The following A4GNT variants were observed in gnomAD, a reference collection of about 807,000 sequenced individuals.
A4GNT encodes alpha-1,4-N-acetylglucosaminyltransferase.
A neutral mutation model predicts 8.3 loss-of-function variants in A4GNT; 6 were observed. The observed-to-expected ratio is 0.72, with a 90% confidence interval of 0.39 to 1.42. The LOEUF (loss-of-function observed/expected upper bound fraction) is 1.42. Ranked by LOEUF, A4GNT falls within the 40% of genes most tolerant of loss-of-function variation. A4GNT has a pLI of 0.02. For missense variants in A4GNT, 377 were observed against 417.0 expected (o/e 0.90, Z 0.84); for synonymous variants, 157 against 159.8 (o/e 0.98, Z 0.13).
chr3:138,127,137 A>AAAAC (rs1559874805), intron 2 of A4GNT, among the ~76,000 whole-genome samples: 4 of 151,278 alleles, frequency 2.6e-5, no homozygotes, highest in African/African-American at 9.8e-5. Flanking sequence ...AAAAAAAAAA[A>AAAAC]AAACAATAAT....
intron 2 of A4GNT, among the ~76,000 whole-genome samples, chr3:138,125,193 T>A (rs943338756): frequency 3.0e-4 from 45 of 152,346 alleles, no homozygotes; most frequent in African/African-American, 1.1e-3. Flanking sequence ...GATTTCACTA[T>A]GCACTGTATG....
rs755655007 is a variant in A4GNT at position 138,131,253 on chromosome 3, G to T, written c.4C>A (p.Arg2=). 1.9e-6 allele frequency: 3 copies of T among 1,581,188 alleles called. No individual in the cohort carries two copies. Residue 2 remains arginine, a synonymous_variant, in exon 2 of 3, where the codon CGG becomes AGG. Transcript: ENST00000236709. The part of the protein sequence containing the change: M[R]KELQLSLSVT... ...GACAGGGAGAGCTGGAGCTCCTTCC[G>T]CATGTCCTCTTCTCTGTGCCAGCCT...
intron 2 of A4GNT, among the ~76,000 whole-genome samples, chr3:138,130,567 A>G (rs948389107): frequency 5.3e-5 from 8 of 152,220 alleles, no homozygotes; most frequent in African/African-American, 1.9e-4. Context: ...TAAGTGTCCT[A>G]TACACCTAGA....
rs146152770 is a variant in A4GNT, at chr3:138,124,837, C to A, written c.450G>T (p.Ser150=). The change falls in exon 3 of 3, where the codon TCG becomes TCT. Residue 150 remains serine (S), a synonymous_variant. Transcript: ENST00000236709. ...SAERNWLHIS[S]DASRLAIIWK... is the part of the protein sequence containing the mutation. Reference sequence around the variant, plus strand: ...AGATGATGGCCAGGCGGGATGCATCCGAGCTGATGTGGAGCCAGTTTCTCT... The same window carrying A: ...AGATGATGGCCAGGCGGGATGCATCAGAGCTGATGTGGAGCCAGTTTCTCT... The A allele has an allele frequency of 3.1e-6, 5 of 1,613,372 alleles. No individual in the cohort carries two copies. The South Asian group carries it at 5.5e-5, about 18-fold the overall frequency.
intron 2 of A4GNT, among the ~76,000 whole-genome samples, chr3:138,125,162 A>G (rs2042738146): frequency 6.6e-6 from 1 of 152,230 alleles, no homozygotes. Flanking sequence ...CATTGGAAAG[A>G]TAAAGAAGAA....
intron 1 of A4GNT, 25 bp downstream of exon 1, chr3:138,132,187 C>T (rs1426188100): frequency 6.6e-6 from 1 of 152,198 alleles, no homozygotes; most frequent in Non-Finnish European, 1.5e-5. Flanking sequence ...CACCTGCCAC[C>T]AAAGTCCAGG....
At chr3:138,131,427 T>A in intron 1 of A4GNT, 145 bp from the exon 2 acceptor site, 1 of 682,214 alleles carries the variant, frequency 1.5e-6, no homozygotes. Flanking sequence ...CCAGCAATAT[T>A]AAAAAAAAAA....
In A4GNT at chr3:138,124,881, G is replaced by C; in HGVS notation, c.409-3C>G. On this transcript the variant is annotated splice_polypyrimidine_tract_variant and splice_region_variant and intron_variant, in intron 2 of 2. Transcript: ENST00000236709. ...TTTCTCTCTGCGCTGGCGTTGATCT[G>C]CAGGAGCAGGTGCAAATCAGCCCCA... The C allele has an allele frequency of 6.2e-7, 1 of 1,607,450 alleles. No individual in the cohort carries two copies. Among genetic ancestry groups the C allele is most frequent in the Non-Finnish European group, 8.5e-7 (1 of 1,176,348 alleles).
chr3:138,124,926 A>T, intron 2 of A4GNT, 48 bp from the exon 3 acceptor site: 1 of 1,580,616 alleles, frequency 6.3e-7, no homozygotes, highest in African/African-American at 1.3e-5. Flanking sequence ...GGGAAGAGGG[A>T]GGGGCATCAC....
intron 2 of A4GNT, among the ~76,000 whole-genome samples, 175 bp downstream of exon 2, chr3:138,130,674 G>T (rs1402397930): frequency 2.0e-5 from 3 of 152,180 alleles, no homozygotes; most frequent in Non-Finnish European, 2.9e-5. Context: ...GAATAAAGAT[G>T]CACCTAATGT....
intron 2 of A4GNT, among the ~76,000 whole-genome samples, chr3:138,129,068 T>A (rs1387904955): frequency 6.6e-6 from 1 of 152,014 alleles, no homozygotes; most frequent in Non-Finnish European, 1.5e-5. Flanking sequence ...ATCATGTCTG[T>A]CACTTAGTCC....
Position 138,131,305 on chromosome 3 carries a change from A to G in A4GNT, c.-26-23T>C, listed in dbSNP as rs905706007. On this transcript the variant is annotated intron_variant, in intron 1 of 2. Coordinates refer to ENST00000236709, the MANE Select transcript of A4GNT (RefSeq NM_016161.3). ...CTCCTTTAAATCAACACAATTAATT[A>G]AAAATCACAGCTGCAAAACCTGACA... 3 of 1,430,320 alleles carry G rather than the reference A, an allele frequency of 2.1e-6. No homozygotes were observed. In the African/African-American group the frequency reaches 4.2e-5, roughly 20 times the overall value. The allele number at this position is 1,430,320 out of a possible 1,614,324, so 88.6% of individuals were successfully genotyped here.
In A4GNT at chr3:138,125,424, C is replaced by T. The variant is rs150379170; in HGVS notation, c.409-546G>A. 1.4e-4 allele frequency among the ~76,000 whole-genome samples: 21 copies of T among 152,076 alleles called. No individual in the cohort carries two copies. In the East Asian group the frequency reaches 3.1e-3, roughly 22 times the overall value. ...TATTGAGGGCCTATTTACTATGTGCCGAATTCTATTAAAACTGCTAAGGAT... is the reference window on the plus strand; with the variant it reads ...TATTGAGGGCCTATTTACTATGTGCTGAATTCTATTAAAACTGCTAAGGAT... On this transcript the variant is annotated intron_variant, in intron 2 of 2. Transcript: ENST00000236709.
At position 138,131,008 on chromosome 3, in the gene A4GNT, C is replaced by T. The variant is rs755313229; in HGVS notation, c.249G>A (p.Val83=). 1.1e-5 allele frequency: 17 copies of T among 1,613,936 alleles called. No individual in the cohort carries two copies. The highest frequency in any genetic ancestry group is 1.3e-5 in the African/African-American group (1 of 74,862). Reference sequence around the variant, plus strand: ...CAGTAAGACCCTTCATAAAGAACACCACAGGCCACTCAGGATAAATCTTGG... The same window carrying T: ...CAGTAAGACCCTTCATAAAGAACACTACAGGCCACTCAGGATAAATCTTGG... ...SAAKIYPEWP[V]VFFMKGLTDS... is the part of the protein sequence containing the mutation. The change falls in exon 2 of 3, where the codon GTG becomes GTA. Residue 83 remains valine (V), a synonymous_variant. Coordinates refer to ENST00000236709, the MANE Select transcript of A4GNT (RefSeq NM_016161.3).
In A4GNT at chr3:138,124,120, C is replaced by A; in HGVS notation, c.*144G>T. On this transcript the variant is annotated 3_prime_UTR_variant, in exon 3 of 3. Transcript: ENST00000236709. ...AGTATCATTTGGGATTTTTCTATTA[C>A]AGACAGAGAAAGCTAATCCTAACTG... The A allele has an allele frequency of 8.6e-7, 1 of 1,162,038 alleles. No individual in the cohort carries two copies. Among genetic ancestry groups the A allele is most frequent in the Non-Finnish European group, 1.2e-6 (1 of 836,344 alleles). The allele number at this position is 1,162,038 out of a possible 1,614,324, so 72.0% of individuals were successfully genotyped here. A position where few individuals can be genotyped will look rare whatever the true frequency, so the allele number is the denominator to read the frequency against.
chr3:138,128,362 CA>C (rs1446635698), intron 2 of A4GNT, among the ~76,000 whole-genome samples: 1 of 152,042 alleles, frequency 6.6e-6, no homozygotes, highest in African/African-American at 2.4e-5. Flanking sequence ...AGCAAAGCAA[CA>C]GCATTTGCTT....
intron 2 of A4GNT, among the ~76,000 whole-genome samples, chr3:138,130,133 C>T (rs1216047445): frequency 7.3e-5 from 11 of 149,894 alleles, no homozygotes; most frequent in African/African-American, 2.7e-4. Context: ...TAACTTAAAT[C>T]GTTATAACTA....
intron 2 of A4GNT, among the ~76,000 whole-genome samples, chr3:138,130,026 T>C (rs2042766791): frequency 6.6e-6 from 1 of 152,164 alleles, no homozygotes; most frequent in African/African-American, 2.4e-5. Context: ...CTAAATTCAC[T>C]CCTAATCCAA....
chr3:138,132,453 G>T (rs1011106400), upstream of A4GNT: 1 of 152,110 alleles, frequency 6.6e-6, no homozygotes, highest in South Asian at 2.1e-4. Context: ...ACAACACAGG[G>T]GTAAGTAAAT....
Sources: allele counts gnomAD v4.1 joint callset (sites outside exome capture counted in the v4.1 genomes callset), GRCh38; gene constraint gnomAD v4.1.1; transcripts MANE v1.5; gene names NCBI Gene and HGNC (gene_info 2026-07-23, HGNC 2026-07-21).